ZZEF1: variants seen among roughly 807,000 people sequenced by gnomAD.
The protein encoded by ZZEF1 is zinc finger ZZ-type and EF-hand domain containing 1.
In ZZEF1, 157 loss-of-function variants were observed where a neutral mutation model predicts 342.8. That is an observed-to-expected ratio of 0.46 (90% CI 0.40 to 0.52). The LOEUF is 0.52. ZZEF1 is among the 20% of genes least tolerant of loss of function. The probability of loss-of-function intolerance (pLI) is 0.00; values close to 1 mark genes in which losing one functional copy is unlikely to be tolerated. For missense variants in ZZEF1, 3,480 were observed against 3,725.6 expected, an observed-to-expected ratio of 0.93 and a Z score of 1.72; for synonymous variants, 1,505 against 1,429.1, an observed-to-expected ratio of 1.05 and a Z score of -1.20.
chr17:4,051,680 T>C (rs538474438), intron 35 of ZZEF1, among the ~76,000 whole-genome samples: 1 of 150,530 alleles, frequency 6.6e-6, no homozygotes, highest in South Asian at 2.1e-4. Context: ...CCTCTGAAAG[T>C]GCTGGGATTA....
At chr17:4,091,016 C>T (rs1393736470) in intron 11 of ZZEF1, among the ~76,000 whole-genome samples, 186 bp from the exon 12 acceptor site, 1 of 152,212 alleles carries the variant, frequency 6.6e-6, no homozygotes, top group Admixed American at 6.5e-5. Flanking sequence ...CTTTCCATTG[C>T]TCAGTCTCCT....
rs1474774380 is a variant in ZZEF1, at chr17:4,076,645, GTCC to G, written c.3223_3225del (p.Gly1075del). On this transcript the variant is annotated inframe_deletion, in exon 21 of 55. Transcript: ENST00000381638. ...GTGCTGACTCGAGTTACCTTCCTCA[GTCC>G]TCCTTCGGGGCCACTACAGAGCTTC... 6.2e-7 allele frequency: 1 copy of G among 1,609,608 alleles called. No individual in the cohort carries two copies. The highest frequency in any genetic ancestry group is 1.3e-5 in the African/African-American group (1 of 74,860).
rs774286285 is a variant in ZZEF1, at chr17:4,032,156, C to T, written c.6862G>A (p.Val2288Ile). The T allele has an allele frequency of 6.2e-7, 1 of 1,611,670 alleles. No homozygotes were observed. Among genetic ancestry groups the T allele is most frequent in the Non-Finnish European group, 8.5e-7 (1 of 1,179,378 alleles). Reference protein sequence around the residue: ...HFTEKNRAVIVDVKTRKRKTV... With the variant: ...HFTEKNRAVIIDVKTRKRKTV... The stretch of plus-strand genomic sequence containing the variant: ...TTCCTCTTCCGAGTTTTGACATCAA[C>T]AATCACAGCCCTGTTCTTCTCAGTA... The change falls in exon 42 of 55, where the codon GTT becomes ATT. Residue 2288 changes from valine (V) to isoleucine (I), a missense_variant. Around this residue, in one of 5 missense-constraint regions of ZZEF1, gnomAD observed 1,269 missense variants for 1,342.4 expected, o/e 0.95. Coordinates refer to ENST00000381638, the MANE Select transcript of ZZEF1 (RefSeq NM_015113.4).
intron 2 of ZZEF1, among the ~76,000 whole-genome samples, chr17:4,117,804 C>T (rs2058422684): frequency 6.6e-6 from 1 of 151,914 alleles, no homozygotes; most frequent in African/African-American, 2.4e-5. Flanking sequence ...GTATAGAATA[C>T]AGGGTAGAAA....
At chr17:4,083,945 T>C (rs1233221657) in intron 16 of ZZEF1, among the ~76,000 whole-genome samples, 1 of 152,236 alleles carries the variant, frequency 6.6e-6, no homozygotes, top group Non-Finnish European at 1.5e-5. Context: ...ATTCTATTAG[T>C]TGCTTGACTA....
rs1368825804 is a variant in ZZEF1, at chr17:4,016,747, G to A, written c.8002-281C>T. The A allele has an allele frequency of 5.8e-6, 2 of 344,372 alleles. No homozygotes were observed. The highest frequency in any genetic ancestry group is 1.1e-5 in the Non-Finnish European group (2 of 189,808). 21.3% of individuals were successfully genotyped at this position (344,372 alleles called of 1,614,324 possible). A position where few individuals can be genotyped will look rare whatever the true frequency, so the allele number is the denominator to read the frequency against. ...TCATAAAGGGTCCTGGTCCTTGAAG[G>A]AGTCCCCAGCCAAGCAGGTGGATTG... On this transcript the variant is annotated intron_variant, in intron 48 of 54. Coordinates refer to ENST00000381638, the MANE Select transcript of ZZEF1 (RefSeq NM_015113.4). The surrounding 1 kb of genome is among the most constrained non-coding windows in gnomAD (Gnocchi z 4.4).
At chr17:4,085,845 C>T (rs1597869678) in intron 15 of ZZEF1, 42 bp from the exon 16 acceptor site, 2 of 1,608,852 alleles carry the variant, frequency 1.2e-6, no homozygotes, top group East Asian at 4.5e-5. Flanking sequence ...TATATTCCAT[C>T]TATTCGCTTA....
Position 4,019,788 on chromosome 17 carries a change from C to A in ZZEF1, c.7405-19G>T. 6.3e-7 allele frequency: 1 copy of A among 1,585,150 alleles called. No homozygotes were observed. Among genetic ancestry groups the A allele is most frequent in the Non-Finnish European group, 8.6e-7 (1 of 1,164,324 alleles). ...GAGCCATCTGGAGGCCAGGGGAGGACGCAGACAAGAACCATTAACAGTGCT... is the reference window on the plus strand; with the variant it reads ...GAGCCATCTGGAGGCCAGGGGAGGAAGCAGACAAGAACCATTAACAGTGCT... On this transcript the variant is annotated intron_variant, in intron 45 of 54. Transcript: ENST00000381638.
intron 26 of ZZEF1, among the ~76,000 whole-genome samples, chr17:4,068,318 C>T (rs1197999768): frequency 2.0e-5 from 3 of 152,104 alleles, no homozygotes; most frequent in African/African-American, 7.2e-5. Context: ...TTGCTCATTT[C>T]CCAGACTAGA....
intron 45 of ZZEF1, chr17:4,020,064 C>T (rs988006643): frequency 4.3e-5 from 12 of 279,940 alleles, no homozygotes; most frequent in Non-Finnish European, 6.0e-5. Context: ...ATCGTATTCA[C>T]GGCTAGCGTC....
Position 4,006,774 on chromosome 17 carries a change from G to T in ZZEF1, c.*116C>A. Reference sequence around the variant, plus strand: ...GCTGCTTGGCATCCTAACTGGAGTGGTCAGCTCAAGGAGAGCTGGGCACTG... The same window carrying T: ...GCTGCTTGGCATCCTAACTGGAGTGTTCAGCTCAAGGAGAGCTGGGCACTG... On this transcript the variant is annotated 3_prime_UTR_variant, in exon 55 of 55. Transcript: ENST00000381638. 2 of 1,110,984 alleles carry T rather than the reference G, an allele frequency of 1.8e-6. No homozygotes were observed. The highest frequency in any genetic ancestry group is 2.7e-6 in the Non-Finnish European group (2 of 748,888). 68.8% of individuals were successfully genotyped at this position (1,110,984 alleles called of 1,614,324 possible). A position where few individuals can be genotyped will look rare whatever the true frequency, so the allele number is the denominator to read the frequency against.
intron 46 of ZZEF1, among the ~76,000 whole-genome samples, 185 bp from the exon 47 acceptor site, chr17:4,018,156 A>G (rs954245962): frequency 6.6e-6 from 1 of 152,232 alleles, no homozygotes; most frequent in African/African-American, 2.4e-5. Flanking sequence ...GAATGCATGT[A>G]TGCTCTGTGG....
intron 29 of ZZEF1, among the ~76,000 whole-genome samples, chr17:4,063,316 G>A (rs575292913): frequency 3.3e-5 from 5 of 152,316 alleles, no homozygotes; most frequent in Middle Eastern, 3.4e-3. Flanking sequence ...CTGGCTGGGT[G>A]TGGTGGCTCA....
rs150027253 is a variant in ZZEF1, at chr17:4,075,359, T to C, written c.3305A>G (p.Asn1102Ser). Residue 1102 changes from asparagine to serine, a missense_variant, in exon 22 of 55, where the codon AAC becomes AGC. Around this residue, in one of 5 missense-constraint regions of ZZEF1, gnomAD observed 1,528 missense variants for 1,624.1 expected, o/e 0.94. Transcript: ENST00000381638. The part of the protein sequence containing the change: ...LHTWTKESAH[N>S]YENNCHEVSV... ...TACCTCATGGCAATTATTTTCATAG[T>C]TGTGGGCAGATTCCTTCGTCCACGT... 5 of 1,614,134 alleles carry C rather than the reference T, an allele frequency of 3.1e-6. No homozygotes were observed. The highest frequency in any genetic ancestry group is 4.2e-6 in the Non-Finnish European group (5 of 1,180,046).
chr17:4,011,107 A>G (rs1290880685), intron 52 of ZZEF1, among the ~76,000 whole-genome samples: 1 of 151,968 alleles, frequency 6.6e-6, no homozygotes, highest in African/African-American at 2.4e-5. Flanking sequence ...AATTAAAGAA[A>G]AAAAAAAAAG....
At position 4,097,077 on chromosome 17, in the gene ZZEF1, C is replaced by A. The variant is rs756555108; in HGVS notation, c.1673-377G>T. 3.3e-5 allele frequency among the ~76,000 whole-genome samples: 5 copies of A among 151,858 alleles called. No individual in the cohort carries two copies. In the East Asian group the frequency reaches 9.7e-4, roughly 29 times the overall value. ...GAGACGGAGACCATCCTGGCTAACA[C>A]GGAGAAACCCCGTCTCTACTAAAAA... On this transcript the variant is annotated intron_variant, in intron 9 of 54. Transcript: ENST00000381638.
intron 37 of ZZEF1, 146 bp downstream of exon 37, chr17:4,049,562 G>T: frequency 1.1e-6 from 1 of 886,594 alleles, no homozygotes; most frequent in Non-Finnish European, 1.7e-6. Flanking sequence ...ATAACAACAT[G>T]CCCAAGGTTT....
intron 24 of ZZEF1, 87 bp downstream of exon 24, chr17:4,074,063 A>T: frequency 6.9e-7 from 1 of 1,442,844 alleles, no homozygotes; most frequent in Non-Finnish European, 9.5e-7. Context: ...CCCTGCCATT[A>T]CGTGGAAACG....
intron 4 of ZZEF1, among the ~76,000 whole-genome samples, chr17:4,113,644 G>A (rs1241315757): frequency 8.6e-5 from 13 of 150,504 alleles, no homozygotes; most frequent in East Asian, 3.9e-4. Flanking sequence ...CAGCCTGGGC[G>A]TCAGAGCAAG....
Sources: gnomAD v4.1 joint callset for allele counts (sites outside exome capture counted in the v4.1 genomes callset) on GRCh38, gnomAD v4.1.1 for gene constraint, gnomAD v4.1.1 regional missense constraint, Gnocchi (gnomAD v3.1) non-coding constraint, MANE v1.5 for transcripts, NCBI Gene and HGNC (gene_info 2026-07-23, HGNC 2026-07-21) for gene names.